The following MAMDC2 variants were observed in gnomAD, a reference collection of about 807,000 sequenced individuals.
MAMDC2 encodes MAM domain-containing protein 2.
A neutral mutation model predicts 89.8 loss-of-function variants in MAMDC2; 57 were observed. The observed-to-expected ratio is 0.63, with a 90% confidence interval of 0.51 to 0.79. The LOEUF (loss-of-function observed/expected upper bound fraction) is 0.79, where lower values mean the gene tolerates loss of function less well. MAMDC2 is among the 30% of genes least tolerant of loss of function. The pLI is 0.00. For missense variants in MAMDC2, 800 were observed against 820.6 expected (o/e 0.97, Z 0.31); for synonymous variants, 313 against 293.4 (o/e 1.07, Z -0.68).
chr9:70,170,727 CTT>C, intron 11 of MAMDC2, 96 bp downstream of exon 11: 3 of 1,216,604 alleles, frequency 2.5e-6, no homozygotes, highest in Non-Finnish European at 3.4e-6. Context: ...AAAATTATGT[CTT>C]GTGTCTATAA....
chr9:70,088,730 C>T (rs889921058), intron 2 of MAMDC2: 1 of 150,842 alleles, frequency 6.6e-6, no homozygotes, highest in African/African-American at 2.4e-5. Context: ...AAAATAAATG[C>T]TACATTTTTC....
chr9:70,188,703 T>C (rs751082178), intron 11 of MAMDC2: 1 of 148,798 alleles, frequency 6.7e-6, no homozygotes, highest in Non-Finnish European at 1.5e-5. Context: ...ATTAAACTTA[T>C]AAGAACAGAT....
At chr9:70,214,329 T>C (rs1261677412) in intron 11 of MAMDC2, among the ~76,000 whole-genome samples, 1 of 152,040 alleles carries the variant, frequency 6.6e-6, no homozygotes, top group Non-Finnish European at 1.5e-5. Context: ...CCTGAGAATA[T>C]CTAGAGGAAG....
At position 70,108,351 on chromosome 9, in the gene MAMDC2, CCCAG is replaced by C; in HGVS notation, c.295_298del (p.Gln99Ter). The C allele has an allele frequency of 6.2e-7, 1 of 1,614,078 alleles. No homozygotes were observed. The highest frequency in any genetic ancestry group is 8.5e-7 in the Non-Finnish European group (1 of 1,179,972). ...CACATCTTCGGAGTCTCTGTCAGAT[CCCAG>C]CCAGCTGAACCTCTACATGAGATTT... On this transcript the variant is annotated frameshift_variant, in exon 3 of 14. Coordinates refer to ENST00000377182, the MANE Select transcript of MAMDC2 (RefSeq NM_153267.5). LOFTEE classifies it high-confidence loss of function.
At chr9:70,162,843 C>T (rs1232087524) in intron 9 of MAMDC2, among the ~76,000 whole-genome samples, 23 of 150,516 alleles carry the variant, frequency 1.5e-4, no homozygotes, top group Non-Finnish European at 3.4e-4. Context: ...CAGTCTGACC[C>T]CTTGGACTAA....
chr9:70,152,812 G>A (rs1166817711), intron 9 of MAMDC2, among the ~76,000 whole-genome samples: 1 of 152,156 alleles, frequency 6.6e-6, no homozygotes, highest in Non-Finnish European at 1.5e-5. Flanking sequence ...TATACCAGGA[G>A]TATAGCCATA....
intron 2 of MAMDC2, among the ~76,000 whole-genome samples, chr9:70,107,643 T>C (rs976460466): frequency 6.6e-6 from 1 of 152,200 alleles, no homozygotes; most frequent in African/African-American, 2.4e-5. Flanking sequence ...CAATGTACTT[T>C]TTCTGCCTAG....
At chr9:70,220,858 A>G (rs2033543137) in intron 12 of MAMDC2, among the ~76,000 whole-genome samples, 1 of 152,364 alleles carries the variant, frequency 6.6e-6, no homozygotes, top group Non-Finnish European at 1.5e-5. Context: ...ATTCCTAGTC[A>G]GCTGTGCTGA....
At chr9:70,062,436 C>G (rs1322334673) in intron 2 of MAMDC2, 1 of 152,168 alleles carries the variant, frequency 6.6e-6, no homozygotes, top group East Asian at 1.9e-4. Flanking sequence ...CATACTAAAT[C>G]TATATCTAAG....
intron 7 of MAMDC2, among the ~76,000 whole-genome samples, chr9:70,139,570 C>T (rs182732532): frequency 4.6e-5 from 7 of 151,952 alleles, no homozygotes; most frequent in South Asian, 2.1e-4. Context: ...TGAATAGTGC[C>T]GCAATAAACA....
At chr9:70,111,942 T>C in intron 4 of MAMDC2, among the ~76,000 whole-genome samples, 1 of 152,230 alleles carries the variant, frequency 6.6e-6, no homozygotes, top group East Asian at 1.9e-4. Context: ...AATAGCTATT[T>C]GTCAAACAAG....
chr9:70,209,550 AT>A (rs1554682459), intron 11 of MAMDC2, among the ~76,000 whole-genome samples: 4 of 149,920 alleles, frequency 2.7e-5, no homozygotes, highest in Non-Finnish European at 3.0e-5. Context: ...CGGTCTATCT[AT>A]CTATCTATTT....
At position 70,121,717 on chromosome 9, in the gene MAMDC2, GAA is replaced by G. The variant is rs11342785; in HGVS notation, c.644-4429_644-4428del. Among the ~76,000 whole-genome samples, 486 of 143,232 alleles carry G rather than the reference GAA, an allele frequency of 3.4e-3. 3 individuals carry two copies. The highest frequency in any genetic ancestry group is 7.8e-3 in the South Asian group (35 of 4,478). 94.0% of individuals were successfully genotyped at this position (143,232 alleles called of 152,430 possible). On this transcript the variant is annotated intron_variant, in intron 5 of 13. Transcript: ENST00000377182. ...CTTGAATCTTAACGATCTGACAAAG[GAA>G]AAAAAAAAAAAAGCCTTTTCCAGAG...
At chr9:70,173,143 G>A (rs1225856261) in intron 11 of MAMDC2, among the ~76,000 whole-genome samples, 2 of 151,992 alleles carry the variant, frequency 1.3e-5, no homozygotes, top group Non-Finnish European at 2.9e-5. Flanking sequence ...AATCTAGACA[G>A]GATCTCCTGT....
At chr9:70,134,694 T>G (rs543285580) in intron 7 of MAMDC2, among the ~76,000 whole-genome samples, 8 of 152,280 alleles carry the variant, frequency 5.3e-5, no homozygotes, top group African/African-American at 1.7e-4. Context: ...CCAGGCCCAA[T>G]TACTGCCTAG....
At chr9:70,192,939 G>A (rs1927150) in intron 11 of MAMDC2, among the ~76,000 whole-genome samples, 10,491 of 152,140 alleles carry the variant, frequency 0.069, 579 homozygotes, top group East Asian at 0.22. Flanking sequence ...TCTTGCTGAG[G>A]ACAGGCATGG....
At position 70,131,540 on chromosome 9, in the gene MAMDC2, A is replaced by T; in HGVS notation, c.922A>T (p.Asn308Tyr). The change falls in exon 7 of 14, where the codon AAT becomes TAT. Residue 308 changes from asparagine (N) to tyrosine (Y), a missense_variant. By Grantham distance (143) the Asn-to-Tyr change is moderately radical. Coordinates refer to ENST00000377182, the MANE Select transcript of MAMDC2 (RefSeq NM_153267.5). ...PMEVIFEVAF[N>Y]GPKGGYVALD... ...GCAGGTTATTTTTGAAGTTGCTTTCAATGGTCCCAAGGGAGGTTATGTTGC... is the reference window on the plus strand; with the variant it reads ...GCAGGTTATTTTTGAAGTTGCTTTCTATGGTCCCAAGGGAGGTTATGTTGC... 6.2e-7 allele frequency: 1 copy of T among 1,601,288 alleles called. No individual in the cohort carries two copies.
At chr9:70,086,733 A>G (rs2118157590) in intron 2 of MAMDC2, 1 of 152,262 alleles carries the variant, frequency 6.6e-6, no homozygotes. Context: ...CTCCTATCAT[A>G]GAGTAGAAAA....
At chr9:70,204,601 G>C (rs1684179097) in intron 11 of MAMDC2, among the ~76,000 whole-genome samples, 1 of 151,470 alleles carries the variant, frequency 6.6e-6, no homozygotes, top group Admixed American at 6.6e-5. Flanking sequence ...GAGCTTCCCG[G>C]CTGCTTTGTT....
Sources: allele counts gnomAD v4.1 joint callset (sites outside exome capture counted in the v4.1 genomes callset), GRCh38; gene constraint gnomAD v4.1.1; transcripts MANE v1.5; gene names NCBI Gene and HGNC (gene_info 2026-07-23, HGNC 2026-07-21).